Variants in MATN3 observed in about 807,000 individuals in gnomAD.
MATN3 encodes the protein matrilin-3.
MATN3 carries 48 observed loss-of-function variants against 45.3 expected under a neutral mutation model. The observed-to-expected ratio is 1.06, with a 90% CI of 0.84 to 1.35. The LOEUF (loss-of-function observed/expected upper bound fraction) is 1.35, where lower values mean the gene tolerates loss of function less well. MATN3 is among the 40% of genes most tolerant of loss of function. The pLI is 0.00. For missense variants in MATN3, 599 were observed against 628.0 expected (o/e 0.95, Z 0.49); for synonymous variants, 217 against 245.9 (o/e 0.88, Z 1.10).
Position 19,992,952 on chromosome 2 carries a change from CAGA to C in MATN3, c.*156_*158del. 1.6e-6 allele frequency: 1 copy of C among 633,456 alleles called. No homozygotes were observed. Among genetic ancestry groups the C allele is most frequent in the Middle Eastern group, 3.3e-4 (1 of 3,066 alleles). The allele number at this position is 633,456 out of a possible 1,614,324, so 39.2% of individuals were successfully genotyped here. On this transcript the variant is annotated 3_prime_UTR_variant, in exon 8 of 8. Transcript: ENST00000407540. ...CCTTGGAAGAATCATGCTGATTCTG[CAGA>C]AGATCTTCATACAATTTATCCAGTA...
At chr2:19,997,778 A>ACT (rs1313004089) in intron 5 of MATN3, 2 of 152,428 alleles carry the variant, frequency 1.3e-5, no homozygotes, top group African/African-American at 2.4e-5. Context: ...ATGCACACAC[A>ACT]CACACACACA....
Position 19,992,989 on chromosome 2 carries a change from G to A in MATN3, c.*122C>T, listed in dbSNP as rs1672788546. On this transcript the variant is annotated 3_prime_UTR_variant, in exon 8 of 8. Coordinates refer to ENST00000407540, the MANE Select transcript of MATN3 (RefSeq NM_002381.5). ...ATACAATTTATCCAGTAATATTCAA[G>A]CATTAATACAGATAATGGCAAATTA... The A allele has an allele frequency of 4.0e-6, 3 of 752,292 alleles. No homozygotes were observed. The highest frequency in any genetic ancestry group is 7.0e-6 in the Non-Finnish European group (3 of 427,726). The allele number at this position is 752,292 out of a possible 1,614,324, so 46.6% of individuals were successfully genotyped here.
chr2:20,011,098 T>C (rs1209359491), intron 1 of MATN3, among the ~76,000 whole-genome samples: 2 of 152,274 alleles, frequency 1.3e-5, no homozygotes, highest in Non-Finnish European at 2.9e-5. Flanking sequence ...AATTTCTGGT[T>C]GCTAAAAGGA....
At chr2:19,994,241 C>T (rs905284086) in intron 7 of MATN3, 58 bp downstream of exon 7, 6 of 1,088,502 alleles carry the variant, frequency 5.5e-6, no homozygotes, top group Middle Eastern at 2.0e-4. Flanking sequence ...GTGTTTGGCT[C>T]GATCGTAGTA....
In MATN3 at chr2:19,994,279, A is replaced by T. The variant is rs1221924255; in HGVS notation, c.1405+20T>A. On this transcript the variant is annotated intron_variant, in intron 7 of 7. Transcript: ENST00000407540. ...TTGGTTGGCTCCAGGCAGAAGGAGA[A>T]AACCTTCCAGAAAGGATATGTTTAG... is the stretch of plus-strand genomic sequence containing the variant. 1 of 1,563,358 alleles carries T rather than the reference A, an allele frequency of 6.4e-7. No homozygotes were observed. The highest frequency in any genetic ancestry group is 8.8e-7 in the Non-Finnish European group (1 of 1,136,796).
At chr2:20,006,989 G>A (rs1014159907) in intron 1 of MATN3, among the ~76,000 whole-genome samples, 4 of 152,128 alleles carry the variant, frequency 2.6e-5, no homozygotes, top group South Asian at 2.1e-4. Context: ...AGGCCAAGGC[G>A]GGCAAATCAA....
chr2:19,994,498 C>T (rs1672822993), intron 6 of MATN3, 89 bp from the exon 7 acceptor site: 2 of 787,684 alleles, frequency 2.5e-6, no homozygotes, highest in Admixed American at 2.4e-5. Flanking sequence ...TTGAATATTT[C>T]CACCGTTAAG....
intron 3 of MATN3, among the ~76,000 whole-genome samples, chr2:20,002,583 C>T (rs1170146821): frequency 2.0e-5 from 3 of 151,990 alleles, no homozygotes; most frequent in Admixed American, 2.0e-4. Context: ...GAATCTTGGA[C>T]CCGTTTCTTT....
intron 1 of MATN3, among the ~76,000 whole-genome samples, chr2:20,008,922 A>T (rs1429021742): frequency 6.6e-6 from 1 of 152,132 alleles, no homozygotes; most frequent in African/African-American, 2.4e-5. Context: ...TCATGCATTT[A>T]GTTAAGTCAA....
At position 20,002,072 on chromosome 2, in the gene MATN3, T is replaced by C; in HGVS notation, c.925A>G (p.Arg309Gly). ...ADKKTCSALDRCALNTHGCEH... is the reference protein window; with the variant it reads ...ADKKTCSALDGCALNTHGCEH... The stretch of plus-strand genomic sequence containing the variant: ...CATCCGTGGGTGTTAAGAGCACACC[T>C]ATCAAGAGCTATCAAAAGATGATTG... Residue 309 changes from arginine (R) to glycine (G), a missense_variant, in exon 4 of 8, where the codon AGG becomes GGG. Physicochemically the swap from Arg to Gly is moderately radical, Grantham distance 125. Coordinates refer to ENST00000407540, the MANE Select transcript of MATN3 (RefSeq NM_002381.5). 1 of 1,612,044 alleles carries C rather than the reference T, an allele frequency of 6.2e-7. No homozygotes were observed. Among genetic ancestry groups the C allele is most frequent in the Non-Finnish European group, 8.5e-7 (1 of 1,179,162 alleles).
intron 3 of MATN3, 60 bp from the exon 4 acceptor site, chr2:20,002,140 G>A: frequency 1.4e-6 from 2 of 1,390,918 alleles, no homozygotes; most frequent in Non-Finnish European, 9.9e-7. Context: ...AAATAATTGT[G>A]GGCCACGCCA....
intron 3 of MATN3, among the ~76,000 whole-genome samples, chr2:20,002,582 A>C (rs1355433086): frequency 6.6e-6 from 1 of 151,988 alleles, no homozygotes; most frequent in African/African-American, 2.4e-5. Context: ...AGAATCTTGG[A>C]CCCGTTTCTT....
Position 19,994,382 on chromosome 2 carries a change from G to A in MATN3, c.1322C>T (p.Ser441Phe). 6.2e-7 allele frequency: 1 copy of A among 1,612,934 alleles called. No individual in the cohort carries two copies. Among genetic ancestry groups the A allele is most frequent in the Non-Finnish European group, 8.5e-7 (1 of 1,179,220 alleles). The change falls in exon 7 of 8, where the codon TCC (serine) becomes TTC (phenylalanine). Residue 441 changes from serine to phenylalanine, a missense_variant. Physicochemically the swap from Ser to Phe is radical, Grantham distance 155. Transcript: ENST00000407540. ...TTCACATCCACAAGCATCTTCAGTG[G>A]AAACAAGTCTTCGTGCTTCCTCAGT... ...SATEEARRLV[S>F]TEDACGCEAT... is the part of the protein sequence containing the mutation.
chr2:20,007,520 ACAT>A (rs547297232), intron 1 of MATN3, among the ~76,000 whole-genome samples: 234 of 152,206 alleles, frequency 1.5e-3, no homozygotes, highest in African/African-American at 5.4e-3. Flanking sequence ...TAAGAGCAAG[ACAT>A]CATCTCAAAA....
chr2:20,000,622 C>G, intron 4 of MATN3, 56 bp from the exon 5 acceptor site: 3 of 1,536,540 alleles, frequency 2.0e-6, no homozygotes, highest in South Asian at 2.5e-5. Context: ...TATTTTATTA[C>G]CCAGGATAGA....
intron 1 of MATN3, among the ~76,000 whole-genome samples, chr2:20,010,066 C>CAAAAAAAAAAAAAAAAAAAAAA (rs1558376342): frequency 0.015 from 85 of 5,508 alleles, 4 homozygotes; most frequent in Admixed American, 0.02. Context: ...TCTTCAAATA[C>CAAAAAAAAAAAAAAAAAAAAAA]TAAAAAAAAA....
chr2:20,010,067 TAA>T (rs57140153), intron 1 of MATN3, among the ~76,000 whole-genome samples: 21 of 68,684 alleles, frequency 3.1e-4, no homozygotes, highest in South Asian at 2.9e-3. Context: ...CTTCAAATAC[TAA>T]AAAAAAAAAA....
chr2:19,998,243 C>G (rs1420272226), intron 5 of MATN3, among the ~76,000 whole-genome samples: 1 of 151,936 alleles, frequency 6.6e-6, no homozygotes, highest in Non-Finnish European at 1.5e-5. Context: ...CAGCAAAATG[C>G]CTTATAGCAG....
At chr2:20,008,651 G>A (rs10856792) in intron 1 of MATN3, among the ~76,000 whole-genome samples, 41,316 of 151,908 alleles carry the variant, frequency 0.27, 6,517 homozygotes, top group East Asian at 0.5. Context: ...CAACCTGTGA[G>A]GCTGGAGGTG....
Sources: gnomAD v4.1 joint callset for allele counts (sites outside exome capture counted in the v4.1 genomes callset) on GRCh38, gnomAD v4.1.1 for gene constraint, MANE v1.5 for transcripts, NCBI Gene and HGNC (gene_info 2026-07-23, HGNC 2026-07-21) for gene names.